RASEF: variants seen among roughly 807,000 people sequenced by gnomAD.
RASEF encodes RAS and EF-hand domain containing.
RASEF carries 68 observed loss-of-function variants against 90.1 expected under a neutral mutation model. The ratio of observed to expected loss-of-function variants is 0.75; its 90% CI spans 0.62 to 0.92. The LOEUF (loss-of-function observed/expected upper bound fraction) is 0.92, where lower values mean the gene tolerates loss of function less well. Ranked by LOEUF, RASEF falls within the 40% of genes least tolerant of loss-of-function variation. The pLI, the probability that RASEF is intolerant of heterozygous loss-of-function variation, is 0.00. For synonymous variants in RASEF, 331 were observed against 345.2 expected (o/e 0.96, Z 0.46); for missense variants, 949 against 937.2 (o/e 1.01, Z -0.16).
Position 83,041,743 on chromosome 9 carries a change from G to A in RASEF, c.432-15822C>T, listed in dbSNP as rs1357766233. Among the ~76,000 whole-genome samples, 5 of 152,240 alleles carry A rather than the reference G, an allele frequency of 3.3e-5. No homozygotes were observed. The South Asian group carries it at 8.3e-4, about 25-fold the overall frequency. Reference sequence around the variant, plus strand: ...TTTTTCATTTGATTTTCTGCAGAACGGAAGGGTGATTTTCTGAAGTGTGTT... The same window carrying A: ...TTTTTCATTTGATTTTCTGCAGAACAGAAGGGTGATTTTCTGAAGTGTGTT... On this transcript the variant is annotated intron_variant, in intron 1 of 16. Transcript: ENST00000376447.
chr9:83,117,544 C>T, the RASEF span, among the ~76,000 whole-genome samples: 1 of 152,204 alleles, frequency 6.6e-6, no homozygotes, highest in Non-Finnish European at 1.5e-5. Context: ...TGGCACCAGA[C>T]ATGGGTCTCT....
At chr9:82,994,191 G>A (rs1326895800) in intron 14 of RASEF, among the ~76,000 whole-genome samples, 1 of 152,172 alleles carries the variant, frequency 6.6e-6, no homozygotes, top group Non-Finnish European at 1.5e-5. Context: ...TCAAAGGAAA[G>A]GGAATGAATG....
At chr9:83,215,955 C>G in the RASEF span, among the ~76,000 whole-genome samples, 1 of 152,144 alleles carries the variant, frequency 6.6e-6, no homozygotes, top group South Asian at 2.1e-4. Context: ...AGATAAGGAA[C>G]TTGTTGGAAA....
intron 9 of RASEF, among the ~76,000 whole-genome samples, chr9:83,003,898 A>T (rs1483321430): frequency 2.0e-5 from 3 of 152,174 alleles, no homozygotes; most frequent in Non-Finnish European, 4.4e-5. Context: ...ATAAACATAC[A>T]CATACACTCA....
chr9:83,119,008 CT>C, the RASEF span, among the ~76,000 whole-genome samples: 5,006 of 141,066 alleles, frequency 0.035, 149 homozygotes, highest in East Asian at 0.16. Context: ...TTTTTCTTTT[CT>C]TTTTTTTTTT....
chr9:83,216,652 G>A, the RASEF span, among the ~76,000 whole-genome samples: 1 of 152,210 alleles, frequency 6.6e-6, no homozygotes, highest in African/African-American at 2.4e-5. Context: ...AGGGAAATGT[G>A]GGGTTGAAGC....
At position 83,012,481 on chromosome 9, in the gene RASEF, T is replaced by C; in HGVS notation, c.796A>G (p.Lys266Glu). 1.3e-6 allele frequency: 2 copies of C among 1,591,850 alleles called. No homozygotes were observed. Among genetic ancestry groups the C allele is most frequent in the Non-Finnish European group, 1.7e-6 (2 of 1,170,040 alleles). ...LEEQSKRVSQ[K>E]EDVAALKKQI... is the part of the protein sequence containing the mutation. Reference sequence around the variant, plus strand: ...TTTTTCAATGCAGCCACATCTTCCTTTTGACTTACGCGTTTTGATTGTTCT... The same window carrying C: ...TTTTTCAATGCAGCCACATCTTCCTCTTGACTTACGCGTTTTGATTGTTCT... Residue 266 changes from lysine (K) to glutamate (E), a missense_variant, in exon 5 of 17, where the codon AAG (lysine) becomes GAG (glutamate). Around this residue, in one of 3 missense-constraint regions of RASEF, gnomAD observed 656 missense variants for 592.2 expected, o/e 1.11. Transcript: ENST00000376447.
chr9:83,001,246 G>T, intron 9 of RASEF, 116 bp from the exon 10 acceptor site: 2 of 680,272 alleles, frequency 2.9e-6, no homozygotes, highest in South Asian at 3.8e-5. Flanking sequence ...GCTAAGAGCC[G>T]CAGTGTTATT....
chr9:83,001,993 G>A (rs1306686102), intron 9 of RASEF, among the ~76,000 whole-genome samples: 1 of 152,082 alleles, frequency 6.6e-6, no homozygotes, highest in Non-Finnish European at 1.5e-5. Flanking sequence ...TATAAGTGAG[G>A]GAGAAATTCA....
chr9:83,182,790 A>T, the RASEF span, among the ~76,000 whole-genome samples: 12 of 152,318 alleles, frequency 7.9e-5, no homozygotes, highest in Admixed American at 7.2e-4. Context: ...AGATTCTCTA[A>T]CTTTGGAAAG....
At chr9:83,029,885 T>C (rs975284877) in intron 1 of RASEF, among the ~76,000 whole-genome samples, 1 of 152,234 alleles carries the variant, frequency 6.6e-6, no homozygotes, top group African/African-American at 2.4e-5. Context: ...GTACAAATTC[T>C]GGTTGCAATA....
At chr9:83,117,414 T>C in the RASEF span, among the ~76,000 whole-genome samples, 7 of 152,298 alleles carry the variant, frequency 4.6e-5, no homozygotes, top group African/African-American at 7.2e-5. Context: ...ATTAGATGAA[T>C]GAAAATCTTT....
At chr9:83,115,164 G>A in the RASEF span, among the ~76,000 whole-genome samples, 1 of 152,054 alleles carries the variant, frequency 6.6e-6, no homozygotes, top group Non-Finnish European at 1.5e-5. Context: ...AATTTCACCC[G>A]ATATCTAGCT....
At chr9:83,207,018 C>T in the RASEF span, among the ~76,000 whole-genome samples, 1 of 152,134 alleles carries the variant, frequency 6.6e-6, no homozygotes, top group Admixed American at 6.5e-5. Context: ...TTCAGATAGT[C>T]TAGGACCCTG....
At chr9:83,074,816 G>T in the RASEF span, among the ~76,000 whole-genome samples, 19 of 152,142 alleles carry the variant, frequency 1.2e-4, no homozygotes, top group Non-Finnish European at 2.4e-4. Flanking sequence ...CATAGCACAA[G>T]TTAAATTTAT....
At chr9:83,063,785 T>C (rs1367331431), upstream of RASEF, among the ~76,000 whole-genome samples, 1 of 152,232 alleles carries the variant, frequency 6.6e-6, no homozygotes, top group Non-Finnish European at 1.5e-5. Context: ...TATCCAAAGG[T>C]AGGTTACCCT....
chr9:83,077,069 T>C, the RASEF span, among the ~76,000 whole-genome samples: 1 of 152,162 alleles, frequency 6.6e-6, no homozygotes, highest in Non-Finnish European at 1.5e-5. Context: ...TTAAATGAAA[T>C]TACCAGAAGC....
chr9:83,114,645 T>C, the RASEF span, among the ~76,000 whole-genome samples: 12 of 152,160 alleles, frequency 7.9e-5, no homozygotes, highest in African/African-American at 2.7e-4. Flanking sequence ...AAATGGCCAC[T>C]TTGGGGGTGG....
chr9:83,064,488 T>G (rs1284219666), upstream of RASEF, among the ~76,000 whole-genome samples: 1 of 152,252 alleles, frequency 6.6e-6, no homozygotes, highest in Non-Finnish European at 1.5e-5. Context: ...AATTTAAAAG[T>G]AGCTGGCTTG....
Sources: allele counts gnomAD v4.1 joint callset (sites outside exome capture counted in the v4.1 genomes callset), GRCh38; gene constraint gnomAD v4.1.1; regional missense constraint gnomAD v4.1.1; transcripts MANE v1.5; gene names NCBI Gene and HGNC (gene_info 2026-07-23, HGNC 2026-07-21).